NBEAL1: variants seen among roughly 807,000 people sequenced by gnomAD.
The protein encoded by NBEAL1 is neurobeachin-like protein 1.
A neutral mutation model predicts 351.3 loss-of-function variants in NBEAL1; 273 were observed. The observed-to-expected ratio is 0.78, with a 90% CI of 0.70 to 0.86. The LOEUF (loss-of-function observed/expected upper bound fraction) is 0.86. NBEAL1 is among the 40% of genes least tolerant of loss of function. The pLI, the probability that NBEAL1 is intolerant of heterozygous loss-of-function variation, is 0.00. For synonymous variants in NBEAL1, 1,050 were observed against 1,086.4 expected (o/e 0.97, Z 0.66); for missense variants, 2,961 against 3,201.3 (o/e 0.92, Z 1.81).
At chr2:203,083,074 C>CA in intron 8 of NBEAL1, 145 bp from the exon 9 acceptor site, 1 of 663,140 alleles carries the variant, frequency 1.5e-6, no homozygotes, top group South Asian at 2.0e-5. Flanking sequence ...GAACCACTAG[C>CA]AGTGGCTATC....
intron 37 of NBEAL1, among the ~76,000 whole-genome samples, 183 bp downstream of exon 37, chr2:203,166,480 T>C (rs910051052): frequency 1.3e-5 from 2 of 152,200 alleles, no homozygotes; most frequent in African/African-American, 4.8e-5. Context: ...TTAAAAATTA[T>C]CAATGCATTT....
intron 2 of NBEAL1, among the ~76,000 whole-genome samples, chr2:203,033,489 AT>A (rs1352489849): frequency 1.3e-5 from 2 of 152,200 alleles, no homozygotes; most frequent in East Asian, 3.9e-4. Flanking sequence ...TATACTTTTA[AT>A]TGAGAATCTG....
intron 10 of NBEAL1, among the ~76,000 whole-genome samples, chr2:203,091,669 A>G (rs967295026): frequency 6.6e-6 from 1 of 152,104 alleles, no homozygotes; most frequent in African/African-American, 2.4e-5. Flanking sequence ...GGCTGTCCTA[A>G]TGGGTATGAG....
intron 35 of NBEAL1, among the ~76,000 whole-genome samples, chr2:203,154,439 C>G (rs1435012534): frequency 6.6e-6 from 1 of 152,076 alleles, no homozygotes; most frequent in East Asian, 1.9e-4. Context: ...TTAGTTTTGT[C>G]TATATTTCCG....
intron 2 of NBEAL1, among the ~76,000 whole-genome samples, chr2:203,017,198 T>G (rs1485160675): frequency 6.6e-6 from 1 of 152,232 alleles, no homozygotes; most frequent in Non-Finnish European, 1.5e-5. Flanking sequence ...GGTACATTAT[T>G]ACTTTGAAGA....
rs2063202722 is a variant in NBEAL1, at chr2:203,136,186, C to G, written c.4323C>G (p.Asp1441Glu). 1 of 1,612,302 alleles carries G rather than the reference C, an allele frequency of 6.2e-7. No individual in the cohort carries two copies. The highest frequency in any genetic ancestry group is 1.3e-5 in the African/African-American group (1 of 74,984). Residue 1441 changes from aspartate (D) to glutamate (E), a missense_variant, in exon 28 of 56, where the codon GAC (aspartate) becomes GAG (glutamate). Coordinates refer to ENST00000683969, the MANE Select transcript of NBEAL1 (RefSeq NM_001378026.1). ...CTAAATCGTTTTCTGTGCACTCTGA[C>G]AGAGAAAGCAGCATCACAAATGATA... Reference protein sequence around the residue: ...ESTKSFSVHSDRESSITNDMG... With the variant: ...ESTKSFSVHSERESSITNDMG...
At chr2:203,139,557 CTTTTT>C (rs370861737) in intron 31 of NBEAL1, among the ~76,000 whole-genome samples, 4 of 67,666 alleles carry the variant, frequency 5.9e-5, no homozygotes, top group Admixed American at 1.9e-4. Flanking sequence ...CCACCCCCAC[CTTTTT>C]TTTTTTTTTT....
intron 34 of NBEAL1, among the ~76,000 whole-genome samples, chr2:203,150,793 A>G (rs2106352461): frequency 6.6e-6 from 1 of 152,306 alleles, no homozygotes; most frequent in South Asian, 2.1e-4. Context: ...GGAAATATCA[A>G]CCATCTGTAT....
intron 44 of NBEAL1, among the ~76,000 whole-genome samples, chr2:203,186,617 A>AAAATAAATAAATAAAT (rs201998154): frequency 5.9e-5 from 9 of 152,084 alleles, no homozygotes; most frequent in African/African-American, 2.2e-4. Flanking sequence ...TTATTCCATA[A>AAAATAAATAAATAAAT]AAATAAATAA....
At chr2:203,112,158 T>C (rs1574985537) in intron 16 of NBEAL1, 60 bp downstream of exon 16, 2 of 1,496,662 alleles carry the variant, frequency 1.3e-6, no homozygotes, top group East Asian at 5.0e-5. Flanking sequence ...TGAAATGTTT[T>C]AGTTAAGGTA....
rs1487500014 is a variant in NBEAL1 at position 203,209,386 on chromosome 2, T to C, written c.7785+64T>C. The C allele has an allele frequency of 7.6e-6, 9 of 1,189,492 alleles. No individual in the cohort carries two copies. In the East Asian group the frequency reaches 1.2e-4, roughly 16 times the overall value. 73.7% of individuals were successfully genotyped at this position (1,189,492 alleles called of 1,614,324 possible). ...AGCATATCTTTCCCTCCCCACATTA[T>C]AGATGAGGTTTATTGAAGAAGGAAA... On this transcript the variant is annotated intron_variant, in intron 53 of 55. Coordinates refer to ENST00000683969, the MANE Select transcript of NBEAL1 (RefSeq NM_001378026.1).
chr2:203,081,195 A>T (rs1458509313), intron 8 of NBEAL1, among the ~76,000 whole-genome samples: 1 of 152,244 alleles, frequency 6.6e-6, no homozygotes, highest in African/African-American at 2.4e-5. Context: ...TGGTCATGTC[A>T]TAAAGGTCAG....
At chr2:203,050,559 CTG>C (rs1170653263) in intron 4 of NBEAL1, among the ~76,000 whole-genome samples, 60 of 152,200 alleles carry the variant, frequency 3.9e-4, no homozygotes, top group Non-Finnish European at 1.0e-4. Context: ...TTTTATTACT[CTG>C]TGTTATTATC....
intron 45 of NBEAL1, among the ~76,000 whole-genome samples, chr2:203,189,517 G>C (rs1013874413): frequency 2.0e-5 from 3 of 152,000 alleles, no homozygotes; most frequent in African/African-American, 7.2e-5. Context: ...CTCCTGAGTA[G>C]CTGGGAACTG....
At chr2:203,106,562 A>G (rs984600544) in intron 12 of NBEAL1, among the ~76,000 whole-genome samples, 12 of 152,132 alleles carry the variant, frequency 7.9e-5, no homozygotes, top group Non-Finnish European at 1.6e-4. Context: ...TGAAATTCAA[A>G]CATGAGAAAA....
At chr2:203,124,973 A>G (rs914757372) in intron 19 of NBEAL1, among the ~76,000 whole-genome samples, 1 of 152,142 alleles carries the variant, frequency 6.6e-6, no homozygotes, top group Non-Finnish European at 1.5e-5. Context: ...CTACCACCAA[A>G]TGCATTTTTT....
chr2:203,191,351 A>C, intron 46 of NBEAL1: 1 of 97,598 alleles, frequency 1.0e-5, no homozygotes, highest in Non-Finnish European at 2.6e-5. Flanking sequence ...AAATTATAGA[A>C]TATTTAAAAT....
Position 203,169,768 on chromosome 2 carries a change from C to T in NBEAL1, c.6019C>T (p.Arg2007Ter), listed in dbSNP as rs750588242. The T allele has an allele frequency of 2.0e-5, 32 of 1,606,754 alleles. No homozygotes were observed. The highest frequency in any genetic ancestry group is 2.2e-5 in the East Asian group (1 of 44,682). ...ATAGGTTAGAAACAAAATATATAGC[C>T]GACTGTTGTCACTTCATTCCCCAAA... ...KKEVRNKIYS[R>*]LLSLHSPNSY... The change falls in exon 39 of 56, where the codon CGA becomes TGA. Residue 2007 changes from arginine to a stop codon, truncating the protein, a stop_gained. Transcript: ENST00000683969. LOFTEE classifies it high-confidence loss of function.
At chr2:203,086,122 C>T (rs372591657) in intron 10 of NBEAL1, 7 of 152,110 alleles carry the variant, frequency 4.6e-5, no homozygotes, top group African/African-American at 1.4e-4. Context: ...GCACAATGTA[C>T]GATTATATTT....
Sources: allele counts gnomAD v4.1 joint callset (sites outside exome capture counted in the v4.1 genomes callset), GRCh38; gene constraint gnomAD v4.1.1; transcripts MANE v1.5; gene names NCBI Gene and HGNC (gene_info 2026-07-23, HGNC 2026-07-21).